The following BCL9 variants were observed in gnomAD, a reference collection of about 807,000 sequenced individuals.
BCL9 encodes the protein B-cell CLL/lymphoma 9 protein.
Under a neutral mutation model 88.5 loss-of-function variants are expected in BCL9, and 25 were observed. The observed-to-expected ratio is 0.28, with a 90% CI of 0.21 to 0.39. The LOEUF (loss-of-function observed/expected upper bound fraction) is 0.39, where lower values mean the gene tolerates loss of function less well. BCL9 is among the 10% of genes least tolerant of loss of function. BCL9 has a pLI of 1.00. For synonymous variants in BCL9, 711 were observed against 673.3 expected (o/e 1.06, Z -0.87); for missense variants, 1,817 against 1,877.8 (o/e 0.97, Z 0.60).
chr1:147,621,771 T>A (rs1404204930), intron 8 of BCL9, among the ~76,000 whole-genome samples: 3 of 152,156 alleles, frequency 2.0e-5, no homozygotes, highest in Non-Finnish European at 4.4e-5. Flanking sequence ...ACTGAAGCAG[T>A]ACAGTGGAAC....
rs1041634710 is a variant in BCL9, at chr1:147,550,422, T to C, written c.-478+8748T>C. Among the ~76,000 whole-genome samples the C allele has an allele frequency of 5.9e-5, 9 of 152,180 alleles. No individual in the cohort carries two copies. The Middle Eastern group carries it at 0.01, about 173-fold the overall frequency. ...TTTCATGGGTGACAATTAGTATAAC[T>C]GAGATAAAAAGACCATGAGAACAAT... On this transcript the variant is annotated intron_variant, in intron 1 of 9. Transcript: ENST00000234739.
chr1:147,581,118 G>A (rs1443482324), intron 1 of BCL9, among the ~76,000 whole-genome samples: 4 of 152,106 alleles, frequency 2.6e-5, no homozygotes, highest in African/African-American at 9.7e-5. Flanking sequence ...GTGACCCTGG[G>A]CAAATTATTT....
chr1:147,611,872 A>G lies in BCL9; in HGVS notation c.36A>G (p.Pro12=). The change falls in exon 4 of 10, where the codon CCA becomes CCG. Residue 12 remains proline (P), a synonymous_variant. Transcript: ENST00000234739. The part of the protein sequence containing the change: ...HSSNPKVRSS[P]SGNTQSSPKS... ...GTAACCCTAAAGTGAGGAGCTCTCC[A>G]TCAGGAAACACACAGAGGTAAGGGC... The G allele has an allele frequency of 6.2e-7, 1 of 1,614,222 alleles. No individual in the cohort carries two copies. The highest frequency in any genetic ancestry group is 2.2e-5 in the East Asian group (1 of 44,888).
At chr1:147,561,950 T>C (rs748946471) in intron 1 of BCL9, among the ~76,000 whole-genome samples, 1 of 152,192 alleles carries the variant, frequency 6.6e-6, no homozygotes, top group African/African-American at 2.4e-5. Context: ...AGAGTCATGT[T>C]CTGAGAAGAG....
intron 1 of BCL9, among the ~76,000 whole-genome samples, chr1:147,566,289 G>A (rs955741420): frequency 3.9e-5 from 6 of 152,178 alleles, no homozygotes; most frequent in Non-Finnish European, 2.9e-5. Context: ...GAATGTTGGG[G>A]CCCTACTGGG....
chr1:147,593,648 A>G (rs1553200168), intron 1 of BCL9, among the ~76,000 whole-genome samples: 1 of 152,222 alleles, frequency 6.6e-6, no homozygotes, highest in African/African-American at 2.4e-5. Context: ...TACTTAGCAC[A>G]TGGTAGGCAC....
rs1437436601 is a variant in BCL9, at chr1:147,596,402, C to CTTTTTT, written c.-477-8372_-477-8367dup. The stretch of plus-strand genomic sequence containing the variant: ...AAAGTCAAGAGATTAGATTGACTTT[C>CTTTTTT]TTTTTTTTCTTTTCTTTTTTTTTTT... On this transcript the variant is annotated intron_variant, in intron 1 of 9. Transcript: ENST00000234739. 1.4e-5 allele frequency among the ~76,000 whole-genome samples: 2 copies of CTTTTTT among 138,678 alleles called. 1 individual carries two copies. 91.0% of individuals were successfully genotyped at this position (138,678 alleles called of 152,430 possible).
At position 147,624,858 on chromosome 1, in the gene BCL9, A is replaced by G. The variant is rs1553206279; in HGVS notation, c.4180A>G (p.Ile1394Val). ...GGGCATGATGGGACCCCAACAGAAC[A>G]TCATGATCCCCCCACAGATGAGGCC... ...MQGMMGPQQN[I>V]MIPPQMRPRG... Residue 1394 changes from isoleucine to valine, a missense_variant, in exon 10 of 10, where the codon ATC becomes GTC. Ile to Val is a conservative substitution (Grantham distance 29, BLOSUM62 3). Transcript: ENST00000234739. This position sits in a 1 kb window ranked among gnomAD's most constrained non-coding sequence, Gnocchi z 4.4. The G allele has an allele frequency of 6.2e-7, 1 of 1,613,828 alleles. No individual in the cohort carries two copies. Among genetic ancestry groups the G allele is most frequent in the African/African-American group, 1.3e-5 (1 of 74,870 alleles).
intron 1 of BCL9, among the ~76,000 whole-genome samples, chr1:147,583,275 T>TTATG (rs1309911440): frequency 1.3e-5 from 2 of 152,054 alleles, no homozygotes; most frequent in African/African-American, 4.8e-5. Context: ...ATTTATTTAT[T>TTATG]TATGTATTTT....
At chr1:147,546,760 C>T (rs782625897) in intron 1 of BCL9, among the ~76,000 whole-genome samples, 22 of 152,036 alleles carry the variant, frequency 1.4e-4, no homozygotes, top group Non-Finnish European at 2.6e-4. Flanking sequence ...TCTATCATAG[C>T]GACTATGTTG....
At position 147,619,678 on chromosome 1, in the gene BCL9, G is replaced by C; in HGVS notation, c.1523G>C (p.Arg508Pro). ...QDMMVHQHGP[R>P]GVVRGPPPPY... Reference sequence around the variant, plus strand: ...ATGATGGTCCATCAGCACGGGCCTCGGGGAGTGGTCCGAGGACCCCCCCCT... The same window carrying C: ...ATGATGGTCCATCAGCACGGGCCTCCGGGAGTGGTCCGAGGACCCCCCCCT... The change falls in exon 8 of 10, where the codon CGG (arginine) becomes CCG (proline). Residue 508 changes from arginine (R) to proline (P), a missense_variant. Coordinates refer to ENST00000234739, the MANE Select transcript of BCL9 (RefSeq NM_004326.4). The surrounding 1 kb of genome is among the most constrained non-coding windows in gnomAD (Gnocchi z 4.1). The C allele has an allele frequency of 6.2e-7, 1 of 1,614,040 alleles. No homozygotes were observed. The highest frequency in any genetic ancestry group is 8.5e-7 in the Non-Finnish European group (1 of 1,180,016).
intron 2 of BCL9, among the ~76,000 whole-genome samples, chr1:147,606,083 A>G (rs1657689173): frequency 1.3e-5 from 2 of 152,222 alleles, no homozygotes. Context: ...TGCCACTTCA[A>G]AACTATAAAT....
At chr1:147,606,290 T>C (rs587611350) in intron 2 of BCL9, among the ~76,000 whole-genome samples, 34 of 152,294 alleles carry the variant, frequency 2.2e-4, no homozygotes, top group African/African-American at 7.0e-4. Context: ...CCCACAAGTA[T>C]ATGAAAATAA....
chr1:147,614,517 C>G lies in BCL9; in HGVS notation c.461C>G (p.Ser154Cys). ...TPSNATAPRS[S>C]TPSHGQTTAT... ...TCAAATGCTACAGCCCCCAGGTCTT[C>G]TACCCCCTCCCATGGCCAAACTACT... The change falls in exon 6 of 10, where the codon TCT becomes TGT. Residue 154 changes from serine (S) to cysteine (C), a missense_variant. Transcript: ENST00000234739. 6.2e-7 allele frequency: 1 copy of G among 1,614,058 alleles called. No homozygotes were observed. The highest frequency in any genetic ancestry group is 8.5e-7 in the Non-Finnish European group (1 of 1,179,952).
chr1:147,620,071 A>G lies in BCL9; in HGVS notation c.1916A>G (p.Lys639Arg), dbSNP rs782132510. Residue 639 changes from lysine (K) to arginine (R), a missense_variant, in exon 8 of 10, where the codon AAA (lysine) becomes AGA (arginine). By Grantham distance (26) the Lys-to-Arg change is conservative. Around this residue, in one of 2 missense-constraint regions of BCL9, gnomAD observed 1,228 missense variants for 1,191.6 expected, o/e 1.03. Transcript: ENST00000234739. ...EEMFQQQLAEKQLGLPPGMAM... is the reference protein window; with the variant it reads ...EEMFQQQLAERQLGLPPGMAM... ...ATGTTTCAGCAGCAGCTGGCAGAGA[A>G]ACAGCTGGGTCTCCCCCCAGGGATG... 1.2e-6 allele frequency: 2 copies of G among 1,614,152 alleles called. No individual in the cohort carries two copies. The highest frequency in any genetic ancestry group is 8.5e-7 in the Non-Finnish European group (1 of 1,180,026).
At chr1:147,571,647 C>A (rs1220352433) in intron 1 of BCL9, among the ~76,000 whole-genome samples, 1 of 152,122 alleles carries the variant, frequency 6.6e-6, no homozygotes, top group Non-Finnish European at 1.5e-5. Flanking sequence ...TACAGAGGGA[C>A]CTCAGGGTGA....
intron 1 of BCL9, among the ~76,000 whole-genome samples, chr1:147,545,787 A>T (rs781946219): frequency 3.3e-5 from 5 of 152,328 alleles, no homozygotes; most frequent in African/African-American, 1.2e-4. Context: ...TTAAACCTTG[A>T]CATTTTAATG....
rs966712661 is a variant in BCL9 at position 147,594,251 on chromosome 1, C to A, written c.-477-10526C>A. Among the ~76,000 whole-genome samples, 3 of 152,160 alleles carry A rather than the reference C, an allele frequency of 2.0e-5. No individual in the cohort carries two copies. In the South Asian group the frequency reaches 6.2e-4, roughly 32 times the overall value. On this transcript the variant is annotated intron_variant, in intron 1 of 9. Coordinates refer to ENST00000234739, the MANE Select transcript of BCL9 (RefSeq NM_004326.4). ...GGGGAGAGGCTGGAGGCAGGAATAT[C>A]TATTGCAACGGTCCCATCTTGGAAA...
chr1:147,560,222 C>T (rs1557824340), intron 1 of BCL9, among the ~76,000 whole-genome samples: 1 of 152,174 alleles, frequency 6.6e-6, no homozygotes, highest in African/African-American at 2.4e-5. Flanking sequence ...CCATGCTTCT[C>T]TCTCACACTG....
Sources: gnomAD v4.1 joint callset for allele counts (sites outside exome capture counted in the v4.1 genomes callset) on GRCh38, gnomAD v4.1.1 for gene constraint, gnomAD v4.1.1 regional missense constraint, Gnocchi (gnomAD v3.1) non-coding constraint, MANE v1.5 for transcripts, NCBI Gene and HGNC (gene_info 2026-07-23, HGNC 2026-07-21) for gene names.